The following FGD6 variants were observed in gnomAD, a reference collection of about 807,000 sequenced individuals.
FGD6 encodes FYVE, RhoGEF and PH domain-containing protein 6.
In FGD6, 90 loss-of-function variants were observed where a neutral mutation model predicts 149.4. The observed-to-expected ratio is 0.60, with a 90% confidence interval of 0.51 to 0.72. The LOEUF (loss-of-function observed/expected upper bound fraction) is 0.72. FGD6 is among the 30% of genes least tolerant of loss of function. The pLI is 0.00. For missense variants in FGD6, 1,437 were observed against 1,684.8 expected (o/e 0.85, Z 2.57); for synonymous variants, 527 against 584.0 (o/e 0.90, Z 1.41).
Position 95,085,869 on chromosome 12 carries a change from A to G in FGD6, c.4018T>C (p.Leu1340=). The G allele has an allele frequency of 1.2e-6, 2 of 1,612,316 alleles. No individual in the cohort carries two copies. Among genetic ancestry groups the G allele is most frequent in the East Asian group, 2.2e-5 (1 of 44,846 alleles). ...TTTTTATTGCCCTTTGATCTGTACAAGTAGCCACTCATAGAAGAATCCTCT... is the reference window on the plus strand; with the variant it reads ...TTTTTATTGCCCTTTGATCTGTACAGGTAGCCACTCATAGAAGAATCCTCT... ...NTEDSSMSGY[L]YRSKGNKKPW... is the part of the protein sequence containing the mutation. Residue 1340 remains leucine (L), a synonymous_variant, in exon 19 of 21, where the codon TTG becomes CTG. Coordinates refer to ENST00000343958, the MANE Select transcript of FGD6 (RefSeq NM_018351.4).
rs143347677 is a variant in FGD6, at chr12:95,160,082, C to T, written c.2587-7089G>A. On this transcript the variant is annotated intron_variant, in intron 3 of 20. Coordinates refer to ENST00000343958, the MANE Select transcript of FGD6 (RefSeq NM_018351.4). ...CAAAAAGGCTGTGTGCGGTGGCTCA[C>T]GCTTGTAACCCTAGCAATTTGGGAG... 4.0e-3 allele frequency among the ~76,000 whole-genome samples: 614 copies of T among 151,716 alleles called. 6 individuals carry two copies. Among genetic ancestry groups the T allele is most frequent in the Middle Eastern group, 0.01 (3 of 292 alleles).
At chr12:95,176,591 A>C (rs117195586) in intron 2 of FGD6, among the ~76,000 whole-genome samples, 1 of 152,302 alleles carries the variant, frequency 6.6e-6, no homozygotes, top group East Asian at 1.9e-4. Context: ...GCCAGACTTA[A>C]ATTCCTACTG....
rs143549888 is a variant in FGD6, at chr12:95,114,924, CT to C, written c.3083-1224del. On this transcript the variant is annotated intron_variant, in intron 8 of 20. Coordinates refer to ENST00000343958, the MANE Select transcript of FGD6 (RefSeq NM_018351.4). ...CCTTAAACACTCCCCATGTGTCCCC[CT>C]GGCTTCACACCTTTTGTCTCTAATA... is the stretch of plus-strand genomic sequence containing the variant. Among the ~76,000 whole-genome samples the C allele has an allele frequency of 4.9e-3, 752 of 152,306 alleles. 2 individuals are homozygous for C. The highest frequency in any genetic ancestry group is 0.017 in the African/African-American group (723 of 41,574).
chr12:95,198,029 G>T (rs936379097), intron 2 of FGD6, among the ~76,000 whole-genome samples: 2 of 152,156 alleles, frequency 1.3e-5, no homozygotes, highest in Non-Finnish European at 2.9e-5. Context: ...TCCTATCACT[G>T]CAGGTGTCTC....
chr12:95,188,310 A>G (rs1354714873), intron 2 of FGD6, among the ~76,000 whole-genome samples: 1 of 152,216 alleles, frequency 6.6e-6, no homozygotes, highest in African/African-American at 2.4e-5. Flanking sequence ...AAGCAGAAGA[A>G]ATGAAGAAAC....
At chr12:95,143,335 A>G (rs2136264611) in intron 5 of FGD6, among the ~76,000 whole-genome samples, 1 of 150,328 alleles carries the variant, frequency 6.7e-6, no homozygotes, top group African/African-American at 2.4e-5. Flanking sequence ...AACCTCATAG[A>G]TAACTTAAAG....
chr12:95,144,808 C>G (rs1448796688), intron 5 of FGD6, among the ~76,000 whole-genome samples: 1 of 151,484 alleles, frequency 6.6e-6, no homozygotes, highest in African/African-American at 2.4e-5. Flanking sequence ...CCTGCCTCAG[C>G]CTCCCAAGTA....
chr12:95,131,134 G>A (rs946575439), intron 8 of FGD6, among the ~76,000 whole-genome samples: 3 of 143,798 alleles, frequency 2.1e-5, no homozygotes, highest in African/African-American at 7.7e-5. Flanking sequence ...TTTTTTGAGA[G>A]GGAGGTTGCT....
At chr12:95,158,592 TACAC>T (rs374955266) in intron 3 of FGD6, among the ~76,000 whole-genome samples, 1 of 151,310 alleles carries the variant, frequency 6.6e-6, no homozygotes, top group South Asian at 2.1e-4. Flanking sequence ...TACACACACA[TACAC>T]ACACACACAC....
chr12:95,195,117 T>G (rs1038740747), intron 2 of FGD6, among the ~76,000 whole-genome samples: 12 of 152,306 alleles, frequency 7.9e-5, no homozygotes, highest in African/African-American at 2.9e-4. Flanking sequence ...AATCTATTAT[T>G]TTGCTATAAA....
intron 8 of FGD6, among the ~76,000 whole-genome samples, chr12:95,131,177 T>C (rs1879511313): frequency 6.6e-6 from 1 of 150,510 alleles, no homozygotes; most frequent in African/African-American, 2.4e-5. Context: ...AATGGTGCGA[T>C]CTCAGCTCAC....
At chr12:95,166,710 AT>A (rs1201779626) in intron 3 of FGD6, among the ~76,000 whole-genome samples, 3 of 152,232 alleles carry the variant, frequency 2.0e-5, no homozygotes, top group African/African-American at 7.2e-5. Context: ...CTCAAAAAAA[AT>A]AAATAAATAA....
At chr12:95,094,892 A>G (rs1878188275) in intron 14 of FGD6, among the ~76,000 whole-genome samples, 198 bp from the exon 15 acceptor site, 1 of 152,232 alleles carries the variant, frequency 6.6e-6, no homozygotes, top group East Asian at 1.9e-4. Flanking sequence ...ATGGCATTTT[A>G]GCAAATACAA....
intron 20 of FGD6, 101 bp from the exon 21 acceptor site, chr12:95,081,657 A>G: frequency 7.1e-6 from 4 of 567,096 alleles, no homozygotes; most frequent in Non-Finnish European, 1.2e-5. Context: ...TTACCATAAC[A>G]ACATAGGTAA....
chr12:95,179,431 A>G (rs1881218667), intron 2 of FGD6, among the ~76,000 whole-genome samples: 1 of 151,980 alleles, frequency 6.6e-6, no homozygotes. Flanking sequence ...CTTGAGCCCA[A>G]GAGGTCGAGG....
intron 14 of FGD6, among the ~76,000 whole-genome samples, chr12:95,101,962 T>C (rs1878453148): frequency 6.6e-6 from 1 of 151,578 alleles, no homozygotes; most frequent in African/African-American, 2.4e-5. Context: ...ATTACAGGCA[T>C]GAGCCACTTA....
rs1877590817 is a variant in FGD6, at chr12:95,079,240, C to T, written c.*2280G>A. ...GAGAAGGATAATTGGATAGCTTCCACAAAGACTACACATTTTTCTAAACCC... is the reference window on the plus strand; with the variant it reads ...GAGAAGGATAATTGGATAGCTTCCATAAAGACTACACATTTTTCTAAACCC... On this transcript the variant is annotated 3_prime_UTR_variant, in exon 21 of 21. Transcript: ENST00000343958. 1 of 152,154 alleles carries T rather than the reference C, an allele frequency of 6.6e-6. No individual in the cohort carries two copies. The highest frequency in any genetic ancestry group is 2.4e-5 in the African/African-American group (1 of 41,434). The allele number at this position is 152,154 out of a possible 1,614,324, so 9.4% of individuals were successfully genotyped here. A position where few individuals can be genotyped will look rare whatever the true frequency, so the allele number is the denominator to read the frequency against.
chr12:95,107,576 C>T lies in FGD6; in HGVS notation c.3320G>A (p.Arg1107Gln), dbSNP rs146989434. The change falls in exon 12 of 21, where the codon CGA becomes CAA. Residue 1107 changes from arginine (R) to glutamine (Q), a missense_variant. Coordinates refer to ENST00000343958, the MANE Select transcript of FGD6 (RefSeq NM_018351.4). ...MKLSRKVMQP[R>Q]MFFLFNDALL... ...AAGTCCTCTTACCAGGAAAAACATTCGAGGTTGCATCACTTTCCGAGACAG... is the reference window on the plus strand; with the variant it reads ...AAGTCCTCTTACCAGGAAAAACATTTGAGGTTGCATCACTTTCCGAGACAG... 1 of 1,614,070 alleles carries T rather than the reference C, an allele frequency of 6.2e-7. No individual in the cohort carries two copies. The highest frequency in any genetic ancestry group is 8.5e-7 in the Non-Finnish European group (1 of 1,180,024).
intron 8 of FGD6, among the ~76,000 whole-genome samples, chr12:95,115,245 C>T (rs1323550736): frequency 6.6e-6 from 1 of 152,172 alleles, no homozygotes; most frequent in African/African-American, 2.4e-5. Context: ...AAACAGTTCA[C>T]TTACTCATTC....
Sources: allele counts gnomAD v4.1 joint callset (sites outside exome capture counted in the v4.1 genomes callset), GRCh38; gene constraint gnomAD v4.1.1; transcripts MANE v1.5; gene names NCBI Gene and HGNC (gene_info 2026-07-23, HGNC 2026-07-21).